Variants in PUM2 observed in about 807,000 individuals in gnomAD.
PUM2 encodes the protein pumilio RNA binding family member 2, also known as pumilio homolog 2.
A neutral mutation model predicts 124.5 loss-of-function variants in PUM2; 57 were observed. That is an observed-to-expected ratio of 0.46 (90% confidence interval 0.37 to 0.57). The LOEUF (loss-of-function observed/expected upper bound fraction) is 0.57, where lower values mean the gene tolerates loss of function less well. Among genes scored for constraint, PUM2 ranks in the 20% least tolerant of loss-of-function variants. The pLI is 0.00. For missense variants in PUM2, 1,065 were observed against 1,290.6 expected (o/e 0.83, Z 2.68); for synonymous variants, 460 against 446.1 (o/e 1.03, Z -0.39).
intron 1 of PUM2, among the ~76,000 whole-genome samples, chr2:20,327,736 G>A (rs749840049): frequency 1.3e-5 from 2 of 152,062 alleles, no homozygotes. Context: ...ATTTCTGCCC[G>A]AGGGAAGGCC....
intron 1 of PUM2, among the ~76,000 whole-genome samples, chr2:20,341,266 G>A (rs1205727448): frequency 6.6e-6 from 1 of 151,750 alleles, no homozygotes; most frequent in South Asian, 2.1e-4. Flanking sequence ...CAACACAAAT[G>A]AATTAACTAT....
At position 20,283,412 on chromosome 2, in the gene PUM2, C is replaced by G; in HGVS notation, c.1366G>C (p.Gly456Arg). 1 of 1,614,008 alleles carries G rather than the reference C, an allele frequency of 6.2e-7. No individual in the cohort carries two copies. Among genetic ancestry groups the G allele is most frequent in the Non-Finnish European group, 8.5e-7 (1 of 1,179,980 alleles). ...ATTAACCGAACTGGAGCTCCAAGGCCAGTCCTTGCTCCAGGGCCAACCACT... is the reference window on the plus strand; with the variant it reads ...ATTAACCGAACTGGAGCTCCAAGGCGAGTCCTTGCTCCAGGGCCAACCACT... ...ALVVGPGART[G>R]LGAPVRLMAP... Residue 456 changes from glycine to arginine, a missense_variant, in exon 11 of 21, where the codon GGC becomes CGC. Physicochemically the swap from Gly to Arg is moderately radical, Grantham distance 125. Around this residue, in one of 3 missense-constraint regions of PUM2, gnomAD observed 968 missense variants for 1,159.8 expected, o/e 0.83. Transcript: ENST00000361078.
rs1385097640 is a variant in PUM2 at position 20,278,792 on chromosome 2, G to C, written c.1748C>G (p.Thr583Arg). The C allele has an allele frequency of 1.2e-6, 2 of 1,612,954 alleles. No individual in the cohort carries two copies. Among genetic ancestry groups the C allele is most frequent in the Non-Finnish European group, 1.7e-6 (2 of 1,179,394 alleles). Residue 583 changes from threonine to arginine, a missense_variant, in exon 13 of 21, where the codon ACA becomes AGA. Physicochemically the swap from Thr to Arg is moderately conservative, Grantham distance 71. Coordinates refer to ENST00000361078, the MANE Select transcript of PUM2 (RefSeq NM_015317.5). The stretch of plus-strand genomic sequence containing the variant: ...GCTAGTAGATAGAGACTCTCTCCTT[G>C]TGGCACTACTACTTGCAGAACTGCC... ...SVGSSASSSA[T>R]RRESLSTSSD...
In PUM2 at chr2:20,263,336, C is replaced by G; in HGVS notation, c.2082G>C (p.Arg694=). 1 of 1,614,118 alleles carries G rather than the reference C, an allele frequency of 6.2e-7. No individual in the cohort carries two copies. Among genetic ancestry groups the G allele is most frequent in the Non-Finnish European group, 8.5e-7 (1 of 1,180,016 alleles). ...SSSSQLFPPS[R]LRYNRSDIMP... ...TAATATCAGACCTATTATACCGAAGCCGGGAAGGAGGAAAGAGCTGGCTGC... is the reference window on the plus strand; with the variant it reads ...TAATATCAGACCTATTATACCGAAGGCGGGAAGGAGGAAAGAGCTGGCTGC... The change falls in exon 14 of 21, where the codon CGG becomes CGC. Residue 694 remains arginine (R), a synonymous_variant. Transcript: ENST00000361078.
intron 3 of PUM2, among the ~76,000 whole-genome samples, chr2:20,313,835 C>CAAA (rs35569645): frequency 0.03 from 1,639 of 54,788 alleles, 108 homozygotes; most frequent in South Asian, 0.058. Flanking sequence ...GATCCTGTCT[C>CAAA]AAAAAAAAAA....
At chr2:20,258,422 T>A in intron 15 of PUM2, 51 bp from the exon 16 acceptor site, 1 of 1,576,044 alleles carries the variant, frequency 6.3e-7, no homozygotes, top group East Asian at 2.3e-5. Flanking sequence ...TATTGCTTTG[T>A]TGAACTTGAG....
chr2:20,250,320 T>G lies in PUM2; in HGVS notation c.*1265A>C, dbSNP rs1390788887. ...AATTTTTAAAAAATCACTCTCGATT[T>G]GGAGAAATAAATTTACATTATACAA... On this transcript the variant is annotated 3_prime_UTR_variant, in exon 21 of 21. Transcript: ENST00000361078. 2 of 152,636 alleles carry G rather than the reference T, an allele frequency of 1.3e-5. No homozygotes were observed. The highest frequency in any genetic ancestry group is 2.1e-4 in the South Asian group (1 of 4,828). 9.5% of individuals were successfully genotyped at this position (152,636 alleles called of 1,614,324 possible). A position where few individuals can be genotyped will look rare whatever the true frequency, so the allele number is the denominator to read the frequency against.
At chr2:20,330,173 A>G (rs1684604822) in intron 1 of PUM2, among the ~76,000 whole-genome samples, 1 of 152,210 alleles carries the variant, frequency 6.6e-6, no homozygotes, top group African/African-American at 2.4e-5. Context: ...AACATACAGG[A>G]CAAGATTTTA....
At chr2:20,311,829 A>T (rs1679677486) in intron 4 of PUM2, among the ~76,000 whole-genome samples, 166 bp from the exon 5 acceptor site, 1 of 152,190 alleles carries the variant, frequency 6.6e-6, no homozygotes, top group Non-Finnish European at 1.5e-5. Context: ...AATTGCGTAC[A>T]AACTAGTGAT....
chr2:20,281,630 C>T (rs1354045546), intron 12 of PUM2, among the ~76,000 whole-genome samples: 2 of 152,038 alleles, frequency 1.3e-5, no homozygotes, highest in Non-Finnish European at 2.9e-5. Flanking sequence ...GGAATGAGTC[C>T]TATGGGAGTG....
intron 8 of PUM2, among the ~76,000 whole-genome samples, chr2:20,296,253 T>C (rs535165515): frequency 6.6e-6 from 1 of 152,166 alleles, no homozygotes; most frequent in South Asian, 2.1e-4. Context: ...CCCAGCACTT[T>C]GGGAGGCCGA....
intron 5 of PUM2, among the ~76,000 whole-genome samples, 192 bp from the exon 6 acceptor site, chr2:20,308,776 G>A (rs1678942237): frequency 1.3e-5 from 2 of 151,626 alleles, no homozygotes; most frequent in South Asian, 4.2e-4. Context: ...CATGATTTGA[G>A]GATTTTAAAA....
intron 7 of PUM2, among the ~76,000 whole-genome samples, chr2:20,306,650 C>T (rs1678389391): frequency 6.7e-6 from 1 of 149,972 alleles, no homozygotes; most frequent in African/African-American, 2.5e-5. Flanking sequence ...TCTCTGTCAC[C>T]CAGGCTGGAG....
intron 7 of PUM2, among the ~76,000 whole-genome samples, chr2:20,301,223 A>C (rs1676892873): frequency 6.6e-6 from 1 of 152,222 alleles, no homozygotes; most frequent in Non-Finnish European, 1.5e-5. Context: ...TGGCAAAATA[A>C]ACTTTCTAAA....
intron 5 of PUM2, among the ~76,000 whole-genome samples, chr2:20,310,168 C>G (rs928146148): frequency 1.1e-4 from 16 of 152,030 alleles, no homozygotes; most frequent in Non-Finnish European, 2.2e-4. Context: ...ATGACCACAG[C>G]TGTTGATTGT....
intron 7 of PUM2, among the ~76,000 whole-genome samples, chr2:20,307,448 C>A (rs1192410849): frequency 6.6e-6 from 1 of 152,080 alleles, no homozygotes; most frequent in African/African-American, 2.4e-5. Flanking sequence ...TATCATATTA[C>A]TGTTTTTGAT....
intron 2 of PUM2, among the ~76,000 whole-genome samples, chr2:20,322,552 G>A (rs1682624658): frequency 6.6e-6 from 1 of 152,158 alleles, no homozygotes; most frequent in Non-Finnish European, 1.5e-5. Context: ...CAAGGCTGCA[G>A]CGAGCTATAA....
In PUM2 at chr2:20,308,274, C is replaced by G. The variant is rs368787769; in HGVS notation, c.789+40G>C. 1.9e-6 allele frequency: 3 copies of G among 1,594,186 alleles called. No individual in the cohort carries two copies. In the Middle Eastern group the frequency reaches 5.2e-4, roughly 277 times the overall value. On this transcript the variant is annotated intron_variant, in intron 6 of 20. Coordinates refer to ENST00000361078, the MANE Select transcript of PUM2 (RefSeq NM_015317.5). The stretch of plus-strand genomic sequence containing the variant: ...TAGCACTTCAGGCTAAACCAGTATA[C>G]AGTTAAGAGGACCTTCTTAAAGAAA...
chr2:20,346,395 C>G (rs1264824404), intron 1 of PUM2, among the ~76,000 whole-genome samples: 1 of 152,102 alleles, frequency 6.6e-6, no homozygotes, highest in Admixed American at 6.5e-5. Context: ...TTATAAAAAT[C>G]ATACAATACA....
Sources: gnomAD v4.1 joint callset for allele counts (sites outside exome capture counted in the v4.1 genomes callset) on GRCh38, gnomAD v4.1.1 for gene constraint, gnomAD v4.1.1 regional missense constraint, MANE v1.5 for transcripts, NCBI Gene and HGNC (gene_info 2026-07-23, HGNC 2026-07-21) for gene names.